Variants in CHRNA3 observed in about 807,000 individuals in gnomAD.
CHRNA3 encodes the protein neuronal acetylcholine receptor subunit alpha-3.
In CHRNA3, 34 loss-of-function variants were observed where a neutral mutation model predicts 41.9. The observed-to-expected ratio is 0.81, with a 90% confidence interval of 0.62 to 1.08. CHRNA3 has a LOEUF of 1.08. Ranked by LOEUF, CHRNA3 falls within the 50% of genes least tolerant of loss-of-function variation. The pLI, the probability that CHRNA3 is intolerant of heterozygous loss-of-function variation, is 0.00. For synonymous variants in CHRNA3, 281 were observed against 265.2 expected (o/e 1.06, Z -0.58); for missense variants, 542 against 638.3 (o/e 0.85, Z 1.63).
Position 78,596,054 on chromosome 15 carries a change from T to G in CHRNA3, c.*550A>C. ...ACAATGAATAACTAGGCATGATTTCTCATGGTATAATTTAGAAGTATGCAA... is the reference window on the plus strand; with the variant it reads ...ACAATGAATAACTAGGCATGATTTCGCATGGTATAATTTAGAAGTATGCAA... On this transcript the variant is annotated 3_prime_UTR_variant, in exon 6 of 6. Coordinates refer to ENST00000326828, the MANE Select transcript of CHRNA3 (RefSeq NM_000743.5). 1 of 983,818 alleles carries G rather than the reference T, an allele frequency of 1.0e-6. No individual in the cohort carries two copies. Among genetic ancestry groups the G allele is most frequent in the Non-Finnish European group, 1.2e-6 (1 of 828,536 alleles). 60.9% of individuals were successfully genotyped at this position (983,818 alleles called of 1,614,324 possible). A position where few individuals can be genotyped will look rare whatever the true frequency, so the allele number is the denominator to read the frequency against.
At chr15:78,605,832 G>C (rs985180758) in intron 4 of CHRNA3, among the ~76,000 whole-genome samples, 1 of 152,186 alleles carries the variant, frequency 6.6e-6, no homozygotes, top group Non-Finnish European at 1.5e-5. Context: ...AGCTCGTGGA[G>C]ATGCCATGAC....
intron 3 of CHRNA3, among the ~76,000 whole-genome samples, chr15:78,617,837 G>C (rs2053488400): frequency 6.6e-6 from 1 of 152,216 alleles, no homozygotes; most frequent in Non-Finnish European, 1.5e-5. Flanking sequence ...CTCCTGGCAA[G>C]TCTGGACAAA....
intron 5 of CHRNA3, among the ~76,000 whole-genome samples, chr15:78,599,493 T>C (rs868827138): frequency 3.3e-5 from 5 of 151,516 alleles, no homozygotes; most frequent in South Asian, 4.2e-4. Flanking sequence ...GAGATCTTTG[T>C]TCCCCTGCCA....
chr15:78,616,490 G>C (rs1445539009), intron 4 of CHRNA3, among the ~76,000 whole-genome samples: 1 of 152,004 alleles, frequency 6.6e-6, no homozygotes, highest in Non-Finnish European at 1.5e-5. Context: ...GACAAGGTGA[G>C]GAGGGACCGT....
At chr15:78,606,805 A>G (rs1300960684) in intron 4 of CHRNA3, among the ~76,000 whole-genome samples, 1 of 152,152 alleles carries the variant, frequency 6.6e-6, no homozygotes, top group Non-Finnish European at 1.5e-5. Context: ...AAGCTGAGGC[A>G]GGGGAATGGT....
chr15:78,603,667 G>A (rs2053239769), intron 4 of CHRNA3, among the ~76,000 whole-genome samples: 1 of 152,142 alleles, frequency 6.6e-6, no homozygotes, highest in Non-Finnish European at 1.5e-5. Flanking sequence ...GAATGTTGTG[G>A]TGCATGTGCT....
At position 78,596,014 on chromosome 15, in the gene CHRNA3, A is replaced by AAGAC; in HGVS notation, c.*586_*589dup. 1.0e-6 allele frequency: 1 copy of AAGAC among 957,108 alleles called. No individual in the cohort carries two copies. The highest frequency in any genetic ancestry group is 1.8e-5 in the African/African-American group (1 of 56,582). The allele number at this position is 957,108 out of a possible 1,614,324, so 59.3% of individuals were successfully genotyped here. A position where few individuals can be genotyped will look rare whatever the true frequency, so the allele number is the denominator to read the frequency against. On this transcript the variant is annotated 3_prime_UTR_variant, in exon 6 of 6. Coordinates refer to ENST00000326828, the MANE Select transcript of CHRNA3 (RefSeq NM_000743.5). ...TAATCCACCCAGTTTATGGTGTACT[A>AAGAC]AGACAGTTATATTAACAATGAATAA...
At chr15:78,594,405 A>T (rs1050716580), downstream of CHRNA3, 1 of 152,092 alleles carries the variant, frequency 6.6e-6, no homozygotes, top group Non-Finnish European at 1.5e-5. Context: ...GGCCGGGGGC[A>T]GTGGCTCACA....
At chr15:78,598,597 G>GCTCAC (rs2053148893) in intron 5 of CHRNA3, among the ~76,000 whole-genome samples, 1 of 152,084 alleles carries the variant, frequency 6.6e-6, no homozygotes, top group Non-Finnish European at 1.5e-5. Flanking sequence ...CTGGAGTGCA[G>GCTCAC]TGGCATGACC....
chr15:78,602,486 C>G (rs1463736128), intron 4 of CHRNA3, among the ~76,000 whole-genome samples: 2 of 152,192 alleles, frequency 1.3e-5, no homozygotes, highest in Non-Finnish European at 2.9e-5. Context: ...TGGATCACTC[C>G]CTGCCCCAGG....
intron 4 of CHRNA3, among the ~76,000 whole-genome samples, chr15:78,606,760 G>A (rs923250929): frequency 6.6e-6 from 1 of 152,114 alleles, no homozygotes; most frequent in East Asian, 1.9e-4. Context: ...TTAGCCGGAT[G>A]TGGTGGTGGG....
intron 4 of CHRNA3, among the ~76,000 whole-genome samples, chr15:78,606,860 C>T (rs1298987578): frequency 6.6e-6 from 1 of 151,954 alleles, no homozygotes; most frequent in Non-Finnish European, 1.5e-5. Flanking sequence ...GATCATGCCA[C>T]CACGAGAGTC....
chr15:78,599,205 T>C (rs1201888947), intron 5 of CHRNA3, among the ~76,000 whole-genome samples: 1 of 152,110 alleles, frequency 6.6e-6, no homozygotes. Context: ...TTTGAACTCC[T>C]GGGCTCAAGT....
Position 78,601,444 on chromosome 15 carries a change from C to G in CHRNA3, c.1198G>C (p.Gly400Arg). The change falls in exon 5 of 6, where the codon GGG becomes CGG. Residue 400 changes from glycine (G) to arginine (R), a missense_variant. By Grantham distance (125) the Gly-to-Arg change is moderately radical. Transcript: ENST00000326828. The part of the protein sequence containing the change: ...GCKEGYPCQD[G>R]MCGYCHHRRI... ...CGGTGGTGGCAGTAACCACACATCC[C>G]GTCCTGGCAGGGGTAGCCCTCCTTG... The G allele has an allele frequency of 6.2e-7, 1 of 1,614,142 alleles. No homozygotes were observed. Among genetic ancestry groups the G allele is most frequent in the South Asian group, 1.1e-5 (1 of 91,082 alleles).
chr15:78,618,550 G>A lies in CHRNA3; in HGVS notation c.267+67C>T, dbSNP rs2053499835. 3 of 1,583,670 alleles carry A rather than the reference G, an allele frequency of 1.9e-6. No individual in the cohort carries two copies. The East Asian group carries it at 6.7e-5, about 35-fold the overall frequency. On this transcript the variant is annotated intron_variant, in intron 3 of 5. Transcript: ENST00000326828. ...GAAGCCTGGTCTTTAGGCCTTTCTT[G>A]GTTCACCTAAAGCAAATAAAACAGT...
At chr15:78,619,730 G>C (rs936827617) in intron 1 of CHRNA3, 2 of 152,444 alleles carry the variant, frequency 1.3e-5, no homozygotes, top group African/African-American at 4.8e-5. Flanking sequence ...GCACAAGTGA[G>C]GCATACCGGG....
At chr15:78,618,469 A>G in intron 3 of CHRNA3, 148 bp downstream of exon 3, 1 of 850,828 alleles carries the variant, frequency 1.2e-6, no homozygotes. Flanking sequence ...CTCAAGCCTT[A>G]GAAGAGATAT....
Position 78,602,194 on chromosome 15 carries a change from T to C in CHRNA3, c.448A>G (p.Ile150Val), listed in dbSNP as rs1453851892. The C allele has an allele frequency of 3.7e-6, 6 of 1,613,976 alleles. No individual in the cohort carries two copies. In the South Asian group the frequency reaches 6.6e-5, roughly 18 times the overall value. ...GAGCTCTTAAAGATGGCCGGAGGTATCCAAGTCACCTCCCCAGTGTACTTG... is the reference window on the plus strand; with the variant it reads ...GAGCTCTTAAAGATGGCCGGAGGTACCCAAGTCACCTCCCCAGTGTACTTG... ...LLKYTGEVTWIPPAIFKSSCK... is the reference protein window; with the variant it reads ...LLKYTGEVTWVPPAIFKSSCK... Residue 150 changes from isoleucine (I) to valine (V), a missense_variant, in exon 5 of 6, where the codon ATA becomes GTA. Coordinates refer to ENST00000326828, the MANE Select transcript of CHRNA3 (RefSeq NM_000743.5).
chr15:78,618,408 G>A, intron 3 of CHRNA3: 1 of 588,694 alleles, frequency 1.7e-6, no homozygotes, highest in South Asian at 2.1e-5. Flanking sequence ...GGGACTTGAG[G>A]GGTTGGGCCC....
Sources: gnomAD v4.1 joint callset for allele counts (sites outside exome capture counted in the v4.1 genomes callset) on GRCh38, gnomAD v4.1.1 for gene constraint, MANE v1.5 for transcripts, NCBI Gene and HGNC (gene_info 2026-07-23, HGNC 2026-07-21) for gene names.